RHOBTB3: variants seen among roughly 807,000 people sequenced by gnomAD.
The protein encoded by RHOBTB3 is Rho related BTB domain containing 3, also known as rho-related BTB domain-containing protein 3.
A neutral mutation model predicts 67.2 loss-of-function variants in RHOBTB3; 47 were observed. The ratio of observed to expected loss-of-function variants is 0.70; its 90% CI spans 0.55 to 0.89. RHOBTB3 has a LOEUF of 0.89. Among genes scored for constraint, RHOBTB3 ranks in the 40% least tolerant of loss-of-function variants. RHOBTB3 has a pLI of 0.00. For missense variants in RHOBTB3, 631 were observed against 750.0 expected (o/e 0.84, Z 1.85); for synonymous variants, 273 against 274.2 (o/e 1.00, Z 0.04).
At chr5:95,763,258 C>T (rs1223397527) in intron 6 of RHOBTB3, among the ~76,000 whole-genome samples, 2 of 152,132 alleles carry the variant, frequency 1.3e-5, no homozygotes, top group Admixed American at 6.5e-5. Flanking sequence ...TAGCTGCCCA[C>T]CTATTGCAGA....
At chr5:95,755,373 T>C in intron 5 of RHOBTB3, 23 bp from the exon 6 acceptor site, 1 of 1,470,398 alleles carries the variant, frequency 6.8e-7, no homozygotes, top group Non-Finnish European at 9.0e-7. Context: ...AGTTTATTAT[T>C]TTTATTTTCT....
At chr5:95,767,689 G>T (rs1356124969) in intron 7 of RHOBTB3, 1 of 614,938 alleles carries the variant, frequency 1.6e-6, no homozygotes, top group African/African-American at 1.8e-5. Flanking sequence ...AAATTAGGTT[G>T]TACATGTAAA....
rs527867843 is a variant in RHOBTB3, at chr5:95,738,032, T to C, written c.415+957T>C. 2.6e-5 allele frequency among the ~76,000 whole-genome samples: 4 copies of C among 152,390 alleles called. No homozygotes were observed. The East Asian group carries it at 5.8e-4, about 22-fold the overall frequency. On this transcript the variant is annotated intron_variant, in intron 3 of 11. Transcript: ENST00000379982. ...CAGTTAGCATAATACTTTTGAGATT[T>C]GTCCATGTTGTGTTTATCTGTAGTT...
At chr5:95,749,732 G>A (rs1027818450) in intron 4 of RHOBTB3, among the ~76,000 whole-genome samples, 3 of 152,182 alleles carry the variant, frequency 2.0e-5, no homozygotes, top group Admixed American at 6.5e-5. Flanking sequence ...TATTGTGAAG[G>A]TTCATTTGTC....
At position 95,780,297 on chromosome 5, in the gene RHOBTB3, A is replaced by G. The variant is rs751395803; in HGVS notation, c.1328A>G (p.Glu443Gly). The stretch of plus-strand genomic sequence containing the variant: ...AGGGCCATCCTGGTGGCCCGTTGTG[A>G]AGTGATGGCAGCCATGTTTAATGGT... ...AHRAILVARC[E>G]VMAAMFNGNY... The change falls in exon 9 of 12, where the codon GAA becomes GGA. Residue 443 changes from glutamate to glycine, a missense_variant. Transcript: ENST00000379982. 1.2e-6 allele frequency: 2 copies of G among 1,613,984 alleles called. No homozygotes were observed. Among genetic ancestry groups the G allele is most frequent in the South Asian group, 2.2e-5 (2 of 91,080 alleles).
intron 8 of RHOBTB3, chr5:95,770,250 TGAAAA>T (rs1301490298): frequency 1.7e-5 from 5 of 297,564 alleles, no homozygotes; most frequent in South Asian, 1.3e-4. Flanking sequence ...TCAAAACTAA[TGAAAA>T]GAAAGACAGA....
chr5:95,725,214 C>T (rs1755019144), intron 1 of RHOBTB3, among the ~76,000 whole-genome samples: 1 of 152,106 alleles, frequency 6.6e-6, no homozygotes, highest in Non-Finnish European at 1.5e-5. Flanking sequence ...TGCTATTCAG[C>T]AATGAAAAGG....
chr5:95,777,066 T>C (rs958185760), intron 8 of RHOBTB3, among the ~76,000 whole-genome samples: 1 of 152,178 alleles, frequency 6.6e-6, no homozygotes, highest in African/African-American at 2.4e-5. Flanking sequence ...ACTCCCAATT[T>C]GTTGTTTTGG....
intron 3 of RHOBTB3, among the ~76,000 whole-genome samples, chr5:95,746,665 T>G (rs1744925975): frequency 6.6e-6 from 1 of 152,210 alleles, no homozygotes; most frequent in Non-Finnish European, 1.5e-5. Context: ...TTCCTTTTGG[T>G]GTCACTTTTA....
At chr5:95,753,662 C>G (rs572591616) in intron 5 of RHOBTB3, among the ~76,000 whole-genome samples, 9 of 152,150 alleles carry the variant, frequency 5.9e-5, no homozygotes, top group East Asian at 5.8e-4. Flanking sequence ...GGTTGCAAAC[C>G]CTTGGGCCTT....
At chr5:95,765,167 C>G (rs562529906) in intron 7 of RHOBTB3, among the ~76,000 whole-genome samples, 1 of 151,904 alleles carries the variant, frequency 6.6e-6, no homozygotes, top group East Asian at 1.9e-4. Context: ...AGATTCTCTC[C>G]CTCTCTCTCC....
At chr5:95,787,546 A>G (rs1465626245) in intron 10 of RHOBTB3, among the ~76,000 whole-genome samples, 1 of 152,162 alleles carries the variant, frequency 6.6e-6, no homozygotes, top group East Asian at 1.9e-4. Flanking sequence ...TGCTTATTTA[A>G]TATTTTTGCA....
intron 9 of RHOBTB3, chr5:95,781,897 C>T (rs1285803804): frequency 6.6e-6 from 1 of 152,108 alleles, no homozygotes; most frequent in Non-Finnish European, 1.5e-5. Flanking sequence ...AGCATTTGTT[C>T]TTTTTGGAAA....
intron 6 of RHOBTB3, 101 bp from the exon 7 acceptor site, chr5:95,763,407 T>C: frequency 1.4e-6 from 1 of 692,584 alleles, no homozygotes; most frequent in East Asian, 2.6e-5. Context: ...TAAAGAAAAA[T>C]TAAAGCACTA....
At chr5:95,723,897 G>T (rs1333314022) in intron 1 of RHOBTB3, among the ~76,000 whole-genome samples, 1 of 152,156 alleles carries the variant, frequency 6.6e-6, no homozygotes, top group Admixed American at 6.5e-5. Flanking sequence ...AGGAAAAAAT[G>T]TGAGCACACT....
rs186017024 is a variant in RHOBTB3, at chr5:95,773,607, C to T, written c.1282+5441C>T. On this transcript the variant is annotated intron_variant, in intron 8 of 11. Transcript: ENST00000379982. ...TTGTGAAGTGAAGAGGGTGACGAAC[C>T]ACACAGATAACAAGAGGTTCTTTTT... 1.6e-4 allele frequency among the ~76,000 whole-genome samples: 24 copies of T among 152,316 alleles called. No homozygotes were observed. The East Asian group carries it at 4.2e-3, about 27-fold the overall frequency.
intron 1 of RHOBTB3, among the ~76,000 whole-genome samples, chr5:95,725,020 A>AG (rs1233857953): frequency 6.6e-6 from 1 of 152,154 alleles, no homozygotes; most frequent in African/African-American, 2.4e-5. Context: ...AAAAAAAAAA[A>AG]AATTATGTGT....
intron 9 of RHOBTB3, chr5:95,781,975 T>G (rs1480741233): frequency 1.3e-5 from 2 of 152,246 alleles, no homozygotes; most frequent in African/African-American, 4.8e-5. Context: ...TGACCAGATT[T>G]GGAGTAATAG....
intron 7 of RHOBTB3, among the ~76,000 whole-genome samples, chr5:95,764,105 C>T (rs940996950): frequency 3.9e-4 from 60 of 152,152 alleles, no homozygotes; most frequent in African/African-American, 1.4e-3. Flanking sequence ...CCACCACACT[C>T]GGCCCTATCT....
Sources: gnomAD v4.1 joint callset for allele counts (sites outside exome capture counted in the v4.1 genomes callset) on GRCh38, gnomAD v4.1.1 for gene constraint, MANE v1.5 for transcripts, NCBI Gene and HGNC (gene_info 2026-07-23, HGNC 2026-07-21) for gene names.